Variants in ACD observed in about 807,000 individuals in gnomAD.
The protein encoded by ACD is adrenocortical dysplasia protein homolog.
In ACD, 39 loss-of-function variants were observed where a neutral mutation model predicts 53.9. That is an observed-to-expected ratio of 0.72 (90% confidence interval 0.56 to 0.95). The LOEUF is 0.95. Ranked by LOEUF, ACD falls within the 40% of genes least tolerant of loss-of-function variation. The pLI is 0.00. For synonymous variants in ACD, 273 were observed against 249.2 expected, an observed-to-expected ratio of 1.10 and a Z score of -0.90; for missense variants, 526 against 587.9, an observed-to-expected ratio of 0.89 and a Z score of 1.09.
At chr16:67,660,089 G>A (rs1567642570) in intron 1 of ACD, 33 bp downstream of exon 1, 1 of 1,611,392 alleles carries the variant, frequency 6.2e-7, no homozygotes, top group Admixed American at 1.7e-5. Flanking sequence ...CCGGGCCTCC[G>A]CCTCGGTCTC....
Position 67,657,963 on chromosome 16 carries a change from A to T in ACD, c.1206+23T>A. ...TCAGGCCTTCCTTGTTCTACCCTCC[A>T]GCTGCAGAGGGGCTATGCTCACCCA... On this transcript the variant is annotated intron_variant, in intron 10 of 11. Coordinates refer to ENST00000620761, the MANE Select transcript of ACD (RefSeq NM_001082486.2). The surrounding 1 kb of genome is among the most constrained non-coding windows in gnomAD (Gnocchi z 4.5). 6.3e-7 allele frequency: 1 copy of T among 1,588,550 alleles called. No homozygotes were observed. Among genetic ancestry groups the T allele is most frequent in the Non-Finnish European group, 8.6e-7 (1 of 1,165,358 alleles).
At position 67,658,292 on chromosome 16, in the gene ACD, CAGGG is replaced by C; in HGVS notation, c.896_899del (p.Ala299GlyfsTer27). The C allele has an allele frequency of 6.2e-7, 1 of 1,613,808 alleles. No individual in the cohort carries two copies. The highest frequency in any genetic ancestry group is 8.5e-7 in the Non-Finnish European group (1 of 1,179,996). On this transcript the variant is annotated frameshift_variant, in exon 10 of 12. Coordinates refer to ENST00000620761, the MANE Select transcript of ACD (RefSeq NM_001082486.2). LOFTEE classifies it high-confidence loss of function. ...GCCCTGGGTCTGGAGCAGCCAAGGA[CAGGG>C]CAGGCAGAAGGCTGATGCTGGTACC...
chr16:67,658,883 C>T, intron 7 of ACD, 45 bp downstream of exon 7: 1 of 1,606,236 alleles, frequency 6.2e-7, no homozygotes, highest in Non-Finnish European at 8.5e-7. Context: ...TGACCCTTGC[C>T]CAACTCCTCA....
rs1407657316 is a variant in ACD, at chr16:67,657,763, T to A, written c.1297A>T (p.Arg433Trp). ...GTTGGGGCAGACCCAGGCACTCACC[T>A]GACAGCTTGGACCCGAGCACAGAGG... is the stretch of plus-strand genomic sequence containing the variant. ...TSLCARVQAV[R>W]LPPQLMAWAL... is the part of the protein sequence containing the mutation. The change falls in exon 11 of 12, where the codon AGG becomes TGG. Residue 433 changes from arginine (R) to tryptophan (W), a missense_variant and splice_region_variant. Physicochemically the swap from Arg to Trp is moderately radical, Grantham distance 101. Coordinates refer to ENST00000620761, the MANE Select transcript of ACD (RefSeq NM_001082486.2). The surrounding 1 kb of genome is among the most constrained non-coding windows in gnomAD (Gnocchi z 4.5). 2 of 1,613,964 alleles carry A rather than the reference T, an allele frequency of 1.2e-6. No individual in the cohort carries two copies. Among genetic ancestry groups the A allele is most frequent in the African/African-American group, 1.3e-5 (1 of 74,928 alleles).
In ACD at chr16:67,657,610, A is replaced by G. The variant is rs1320429671; in HGVS notation, c.1373T>C (p.Met458Thr). 9 of 1,614,200 alleles carry G rather than the reference A, an allele frequency of 5.6e-6. No homozygotes were observed. Among genetic ancestry groups the G allele is most frequent in the South Asian group, 1.1e-5 (1 of 91,090 alleles). The change falls in exon 12 of 12, where the codon ATG becomes ACG. Residue 458 changes from methionine (M) to threonine (T), a missense_variant. By Grantham distance (81) the Met-to-Thr change is moderately conservative. Transcript: ENST00000620761. The surrounding 1 kb of genome is among the most constrained non-coding windows in gnomAD (Gnocchi z 4.5). The part of the protein sequence containing the change: ...DAQPGSEPTP[M>T] ...GTATCTGTCCTGCGTGACGTCTCAC[A>G]TCGGAGTTGGCTCAGACCCTGGCTG... is the stretch of plus-strand genomic sequence containing the variant.
Position 67,658,299 on chromosome 16 carries a change from G to A in ACD, c.893C>T (p.Pro298Leu). ...EESGTSISLL[P>L]ALSLAAPDPG... ...GTCTGGAGCAGCCAAGGACAGGGCA[G>A]GCAGAAGGCTGATGCTGGTACCACT... The change falls in exon 10 of 12, where the codon CCT (proline) becomes CTT (leucine). Residue 298 changes from proline (P) to leucine (L), a missense_variant. Transcript: ENST00000620761. The A allele has an allele frequency of 6.2e-7, 1 of 1,613,896 alleles. No homozygotes were observed.
rs755104697 is a variant in ACD, at chr16:67,658,323, C to T, written c.869G>A (p.Ser290Asn). ...ALPGHMSSEE[S>N]GTSISLLPAL... ...AGGCAGAAGGCTGATGCTGGTACCA[C>T]TTTCCTCGGATGACATGTGGCCGGG... The change falls in exon 10 of 12, where the codon AGT becomes AAT. Residue 290 changes from serine to asparagine, a missense_variant. Coordinates refer to ENST00000620761, the MANE Select transcript of ACD (RefSeq NM_001082486.2). The T allele has an allele frequency of 1.9e-6, 3 of 1,613,888 alleles. No individual in the cohort carries two copies. The Admixed American group carries it at 5.0e-5, about 27-fold the overall frequency.
rs775903443 is a variant in ACD, at chr16:67,660,251, G to T, written c.-31C>A. 1.1e-5 allele frequency: 17 copies of T among 1,612,492 alleles called. No homozygotes were observed. The Admixed American group carries it at 2.3e-4, about 22-fold the overall frequency. On this transcript the variant is annotated 5_prime_UTR_variant, in exon 1 of 12. Coordinates refer to ENST00000620761, the MANE Select transcript of ACD (RefSeq NM_001082486.2). Reference sequence around the variant, plus strand: ...CGGCTACACCCAGCGGATGCAACGGGCCCGGGTTTCCCGCGGGCGCCCAGG... The same window carrying T: ...CGGCTACACCCAGCGGATGCAACGGTCCCGGGTTTCCCGCGGGCGCCCAGG...
chr16:67,659,625 C>T lies in ACD; in HGVS notation c.337-12G>A, dbSNP rs1021416366. The T allele has an allele frequency of 6.2e-6, 10 of 1,613,002 alleles. No individual in the cohort carries two copies. Among genetic ancestry groups the T allele is most frequent in the Admixed American group, 1.7e-5 (1 of 59,988 alleles). On this transcript the variant is annotated splice_polypyrimidine_tract_variant and intron_variant, in intron 3 of 11. Coordinates refer to ENST00000620761, the MANE Select transcript of ACD (RefSeq NM_001082486.2). ...TAGAACTCTGCGGGCTGGAGGAGTT[C>T]GGGGGGAAGGGGGGGTCTCAGAATC...
In ACD at chr16:67,657,976, C is replaced by G; in HGVS notation, c.1206+10G>C. On this transcript the variant is annotated intron_variant, in intron 10 of 11. Transcript: ENST00000620761. This position sits in a 1 kb window ranked among gnomAD's most constrained non-coding sequence, Gnocchi z 4.5. Reference sequence around the variant, plus strand: ...GTTCTACCCTCCAGCTGCAGAGGGGCTATGCTCACCCAGACAGAGCAGGGC... The same window carrying G: ...GTTCTACCCTCCAGCTGCAGAGGGGGTATGCTCACCCAGACAGAGCAGGGC... 1 of 1,580,174 alleles carries G rather than the reference C, an allele frequency of 6.3e-7. No homozygotes were observed. Among genetic ancestry groups the G allele is most frequent in the Non-Finnish European group, 8.6e-7 (1 of 1,161,446 alleles).
chr16:67,657,718 C>T lies in ACD; in HGVS notation c.1299-34G>A. On this transcript the variant is annotated intron_variant, in intron 11 of 11. Coordinates refer to ENST00000620761, the MANE Select transcript of ACD (RefSeq NM_001082486.2). This position sits in a 1 kb window ranked among gnomAD's most constrained non-coding sequence, Gnocchi z 4.5. ...AAACCACCGCTGCAGGTCAATGGAGCCTGGGACTAGTGACCAAGAGTTGGG... is the reference window on the plus strand; with the variant it reads ...AAACCACCGCTGCAGGTCAATGGAGTCTGGGACTAGTGACCAAGAGTTGGG... 4 of 1,614,056 alleles carry T rather than the reference C, an allele frequency of 2.5e-6. No homozygotes were observed. Among genetic ancestry groups the T allele is most frequent in the Non-Finnish European group, 3.4e-6 (4 of 1,180,010 alleles).
Position 67,658,773 on chromosome 16 carries a change from G to A in ACD, c.689C>T (p.Ser230Phe). Residue 230 changes from serine to phenylalanine, a missense_variant, in exon 8 of 12, where the codon TCT becomes TTT. Physicochemically the swap from Ser to Phe is radical, Grantham distance 155. Transcript: ENST00000620761. ...YTVPSSMLCI[S>F]ENDQLILSSL... ...GCTCAGAATTAGCTGGTCATTCTCAGAGATGCACAGCATTGAGCTGGGGAC... is the reference window on the plus strand; with the variant it reads ...GCTCAGAATTAGCTGGTCATTCTCAAAGATGCACAGCATTGAGCTGGGGAC... 1.9e-6 allele frequency: 3 copies of A among 1,613,574 alleles called. No homozygotes were observed. Among genetic ancestry groups the A allele is most frequent in the Non-Finnish European group, 2.5e-6 (3 of 1,179,738 alleles).
intron 3 of ACD, 40 bp from the exon 4 acceptor site, chr16:67,659,653 C>T (rs370302172): frequency 8.7e-6 from 14 of 1,612,828 alleles, no homozygotes; most frequent in Non-Finnish European, 1.2e-5. Context: ...TCAGAATCGT[C>T]ACGAAGAGTC....
rs1461716410 is a variant in ACD, at chr16:67,659,661, G to T, written c.336+41C>A. On this transcript the variant is annotated intron_variant, in intron 3 of 11. Transcript: ENST00000620761. ...GGGGGTCTCAGAATCGTCACGAAGA[G>T]TCATGCCCGGTAACCCGCCCAAGGC... is the stretch of plus-strand genomic sequence containing the variant. 4 of 1,612,786 alleles carry T rather than the reference G, an allele frequency of 2.5e-6. No homozygotes were observed. In the South Asian group the frequency reaches 3.3e-5, roughly 13 times the overall value.
At chr16:67,659,293 AAC>A in intron 5 of ACD, 30 bp from the exon 6 acceptor site, 1 of 1,614,126 alleles carries the variant, frequency 6.2e-7, no homozygotes, top group Non-Finnish European at 8.5e-7. Context: ...AGGACTCAGG[AAC>A]CATGCTGAGG....
rs751731124 is a variant in ACD at position 67,660,102 on chromosome 16, G to A, written c.99+20C>T. ...CCCCGGGCCTCCGCCTCGGTCTCCGGGCCCTGAATGGGGGCTCACCTCAAG... is the reference window on the plus strand; with the variant it reads ...CCCCGGGCCTCCGCCTCGGTCTCCGAGCCCTGAATGGGGGCTCACCTCAAG... On this transcript the variant is annotated intron_variant, in intron 1 of 11. Transcript: ENST00000620761. 36 of 1,612,092 alleles carry A rather than the reference G, an allele frequency of 2.2e-5. No individual in the cohort carries two copies. In the Middle Eastern group the frequency reaches 6.6e-4, roughly 29 times the overall value.
rs1190541459 is a variant in ACD, at chr16:67,658,005, T to C, written c.1187A>G (p.Gln396Arg). Residue 396 changes from glutamine to arginine, a missense_variant, in exon 10 of 12, where the codon CAG (glutamine) becomes CGG (arginine). Physicochemically the swap from Gln to Arg is conservative, Grantham distance 43. Coordinates refer to ENST00000620761, the MANE Select transcript of ACD (RefSeq NM_001082486.2). ...FPRTGATRGAQEPCSVWEPPK... is the reference protein window; with the variant it reads ...FPRTGATRGAREPCSVWEPPK... ...GCTCACCCAGACAGAGCAGGGCTCCTGGGCTCCCCTGGTAGCTCCGGTCCT... is the reference window on the plus strand; with the variant it reads ...GCTCACCCAGACAGAGCAGGGCTCCCGGGCTCCCCTGGTAGCTCCGGTCCT... 6.4e-7 allele frequency: 1 copy of C among 1,555,074 alleles called. No homozygotes were observed. Among genetic ancestry groups the C allele is most frequent in the Non-Finnish European group, 8.7e-7 (1 of 1,150,154 alleles).
chr16:67,657,874 G>A lies in ACD; in HGVS notation c.1207-21C>T, dbSNP rs1300117235. 1 of 1,613,854 alleles carries A rather than the reference G, an allele frequency of 6.2e-7. No individual in the cohort carries two copies. The highest frequency in any genetic ancestry group is 1.1e-5 in the South Asian group (1 of 91,072). Reference sequence around the variant, plus strand: ...GGTTCCTGAAAGGGGTATGGTGTCTGGGGAAGAGCTAACAAGGACCCCAAC... The same window carrying A: ...GGTTCCTGAAAGGGGTATGGTGTCTAGGGAAGAGCTAACAAGGACCCCAAC... On this transcript the variant is annotated intron_variant, in intron 10 of 11. Transcript: ENST00000620761. This position sits in a 1 kb window ranked among gnomAD's most constrained non-coding sequence, Gnocchi z 4.5.
chr16:67,658,583 G>A lies in ACD; in HGVS notation c.801C>T (p.Ala267=), dbSNP rs72549181. ...AGGAACTGGGTGAGGAAGGAGGAGA[G>A]GCTATGAGGGTCAGAGATAGGTCCT... ...ALQDLSLTLI[A]SPPSSPSSSG... is the part of the protein sequence containing the mutation. The change falls in exon 9 of 12, where the codon GCC becomes GCT. Residue 267 remains alanine, a synonymous_variant. Coordinates refer to ENST00000620761, the MANE Select transcript of ACD (RefSeq NM_001082486.2). 9.1e-4 allele frequency: 1,433 copies of A among 1,572,944 alleles called. 5 individuals carry two copies. In the African/African-American group the frequency reaches 0.017, roughly 18 times the overall value.
Sources: allele counts gnomAD v4.1 joint callset, GRCh38; gene constraint gnomAD v4.1.1; non-coding constraint Gnocchi (gnomAD v3.1); transcripts MANE v1.5; gene names NCBI Gene and HGNC (gene_info 2026-07-23, HGNC 2026-07-21).